Variants in FMNL2 observed in about 807,000 individuals in gnomAD.
The protein encoded by FMNL2 is formin like 2, also known as formin-like protein 2.
FMNL2 carries 51 observed loss-of-function variants against 130.2 expected under a neutral mutation model. That is an observed-to-expected ratio of 0.39 (90% CI 0.31 to 0.49). The LOEUF is 0.49. FMNL2 is among the 20% of genes least tolerant of loss of function. FMNL2 has a pLI of 0.85. For missense variants in FMNL2, 977 were observed against 1,316.2 expected (o/e 0.74, Z 3.99); for synonymous variants, 465 against 467.1 (o/e 1.00, Z 0.06).
intron 1 of FMNL2, among the ~76,000 whole-genome samples, chr2:152,386,411 C>A (rs1397014408): frequency 6.6e-6 from 1 of 152,124 alleles, no homozygotes; most frequent in Non-Finnish European, 1.5e-5. Flanking sequence ...TCATCTTCTC[C>A]CTGAGAATGT....
chr2:152,449,152 G>A (rs1354706226), intron 1 of FMNL2, among the ~76,000 whole-genome samples: 1 of 152,136 alleles, frequency 6.6e-6, no homozygotes, highest in African/African-American at 2.4e-5. Flanking sequence ...ACTAGATGAT[G>A]TCTGTTTTAG....
At chr2:152,574,567 C>G (rs987943905) in intron 6 of FMNL2, among the ~76,000 whole-genome samples, 16 of 152,008 alleles carry the variant, frequency 1.1e-4, no homozygotes, top group African/African-American at 3.6e-4. Flanking sequence ...TCCCATTTTC[C>G]TTAGAGACTG....
chr2:152,529,390 T>A (rs1298186458), intron 2 of FMNL2, among the ~76,000 whole-genome samples: 1 of 152,158 alleles, frequency 6.6e-6, no homozygotes, highest in African/African-American at 2.4e-5. Context: ...GAAAGGCATT[T>A]TGTATCTTTG....
chr2:152,614,749 AAACAAAAC>A, intron 11 of FMNL2, 94 bp from the exon 12 acceptor site: 8 of 1,327,602 alleles, frequency 6.0e-6, no homozygotes, highest in Non-Finnish European at 8.2e-6. Context: ...TCTCAAAACA[AAACAAAAC>A]AAAACAAAAA....
chr2:152,608,012 G>A (rs1234777848), intron 10 of FMNL2, among the ~76,000 whole-genome samples: 1 of 152,038 alleles, frequency 6.6e-6, no homozygotes, highest in Non-Finnish European at 1.5e-5. Context: ...TGTCATTCTC[G>A]GGTAAGAACA....
intron 1 of FMNL2, among the ~76,000 whole-genome samples, chr2:152,366,073 G>A (rs1200941060): frequency 3.3e-5 from 5 of 152,118 alleles, no homozygotes; most frequent in Non-Finnish European, 1.5e-5. Flanking sequence ...GTAGAATGAT[G>A]GAGAGAAAAG....
chr2:152,445,614 A>C (rs1421877664), intron 1 of FMNL2, among the ~76,000 whole-genome samples: 1 of 152,204 alleles, frequency 6.6e-6, no homozygotes, highest in East Asian at 1.9e-4. Flanking sequence ...CATGCATCAG[A>C]ATCAACTGGA....
intron 1 of FMNL2, among the ~76,000 whole-genome samples, chr2:152,470,936 A>C (rs1689825611): frequency 6.6e-6 from 1 of 152,186 alleles, no homozygotes; most frequent in African/African-American, 2.4e-5. Flanking sequence ...CTTTTAATAA[A>C]GGCTATTAAT....
chr2:152,585,107 G>A (rs1202162943), intron 9 of FMNL2, among the ~76,000 whole-genome samples: 1 of 152,174 alleles, frequency 6.6e-6, no homozygotes, highest in Non-Finnish European at 1.5e-5. Context: ...AGTGTATTGA[G>A]TAGATGAAGA....
intron 9 of FMNL2, among the ~76,000 whole-genome samples, chr2:152,589,940 CATATATATATATATAT>C (rs771625998): frequency 0.017 from 1,136 of 67,006 alleles, 14 homozygotes; most frequent in Middle Eastern, 0.054. Context: ...TGGCTTTATA[CATATATATATATATAT>C]ATATATATAT....
chr2:152,419,634 C>CT (rs986982554), intron 1 of FMNL2, among the ~76,000 whole-genome samples: 31 of 152,108 alleles, frequency 2.0e-4, no homozygotes, highest in African/African-American at 4.3e-4. Context: ...ATTTTAATAG[C>CT]TTTTTTCTGG....
chr2:152,500,953 G>A (rs895860815), intron 1 of FMNL2, among the ~76,000 whole-genome samples: 2 of 152,244 alleles, frequency 1.3e-5, no homozygotes, highest in African/African-American at 4.8e-5. Flanking sequence ...GCAAGCCTGT[G>A]AGTTAAGTCC....
At chr2:152,590,380 G>A (rs953131132) in intron 9 of FMNL2, among the ~76,000 whole-genome samples, 2 of 152,064 alleles carry the variant, frequency 1.3e-5, no homozygotes, top group African/African-American at 2.4e-5. Flanking sequence ...CACTTTGGGA[G>A]GCCAAGGCAG....
chr2:152,383,304 G>A (rs939964114), intron 1 of FMNL2, among the ~76,000 whole-genome samples: 1 of 80,790 alleles, frequency 1.2e-5, no homozygotes, highest in Non-Finnish European at 2.9e-5. Context: ...TGTAGTTTAG[G>A]GGGCAATAGT....
intron 1 of FMNL2, among the ~76,000 whole-genome samples, chr2:152,341,262 C>T (rs181466641): frequency 6.6e-6 from 1 of 152,256 alleles, no homozygotes. Context: ...TTTTATTCTC[C>T]AAAGTGGGAA....
chr2:152,376,869 A>G (rs969859929), intron 1 of FMNL2, among the ~76,000 whole-genome samples: 2 of 152,182 alleles, frequency 1.3e-5, no homozygotes, highest in Admixed American at 6.5e-5. Context: ...CAGCATTCTC[A>G]GTGGAGGTAA....
chr2:152,579,299 C>T (rs1005408963), intron 8 of FMNL2, among the ~76,000 whole-genome samples: 2 of 152,158 alleles, frequency 1.3e-5, no homozygotes, highest in African/African-American at 4.8e-5. Flanking sequence ...TAAAGATTTA[C>T]GTATATCAGT....
intron 9 of FMNL2, among the ~76,000 whole-genome samples, chr2:152,595,688 A>G (rs1255877577): frequency 1.3e-5 from 2 of 152,136 alleles, no homozygotes; most frequent in Non-Finnish European, 2.9e-5. Context: ...TTCATTCAGT[A>G]TGAATTTCTG....
chr2:152,555,737 C>T (rs961182548), intron 4 of FMNL2, among the ~76,000 whole-genome samples: 2 of 152,142 alleles, frequency 1.3e-5, no homozygotes, highest in African/African-American at 4.8e-5. Flanking sequence ...ACATTGAATC[C>T]GTGAGGCACT....
Sources: allele counts gnomAD v4.1 joint callset (sites outside exome capture counted in the v4.1 genomes callset), GRCh38; gene constraint gnomAD v4.1.1; transcripts MANE v1.5; gene names NCBI Gene and HGNC (gene_info 2026-07-23, HGNC 2026-07-21).